Variants in AGBL1 observed in about 807,000 individuals in gnomAD.
AGBL1 encodes AGBL carboxypeptidase 1.
A neutral mutation model predicts 118.9 loss-of-function variants in AGBL1; 130 were observed. The ratio of observed to expected loss-of-function variants is 1.09; its 90% confidence interval spans 0.95 to 1.26. The LOEUF is 1.26. Among genes scored for constraint, AGBL1 ranks in the 50% most tolerant of loss-of-function variants. The pLI is 0.00. For synonymous variants in AGBL1, 555 were observed against 478.9 expected, an observed-to-expected ratio of 1.16 and a Z score of -2.08; for missense variants, 1,584 against 1,298.1, an observed-to-expected ratio of 1.22 and a Z score of -3.38.
intron 15 of AGBL1, among the ~76,000 whole-genome samples, chr15:86,272,594 C>A (rs961994420): frequency 3.9e-5 from 6 of 152,026 alleles, no homozygotes; most frequent in African/African-American, 1.4e-4. Context: ...GAGTATATAC[C>A]CTTATGCCTC....
chr15:86,140,247 T>TG (rs1157931139), intron 1 of AGBL1: 1 of 149,430 alleles, frequency 6.7e-6, no homozygotes, highest in Admixed American at 6.6e-5. Context: ...TTGATTACTG[T>TG]GGGTTTTTTT....
At chr15:86,879,337 T>C (rs1221600116) in intron 22 of AGBL1, among the ~76,000 whole-genome samples, 3 of 152,206 alleles carry the variant, frequency 2.0e-5, no homozygotes, top group Non-Finnish European at 2.9e-5. Flanking sequence ...TATAAAGAGC[T>C]GCTCAGGGGA....
At chr15:86,591,744 T>A (rs1414201519) in intron 21 of AGBL1, among the ~76,000 whole-genome samples, 1 of 152,154 alleles carries the variant, frequency 6.6e-6, no homozygotes, top group Non-Finnish European at 1.5e-5. Context: ...GAGGCTTCAT[T>A]ACATTGGCAC....
chr15:86,112,593 C>T (rs1344977254), intron 1 of AGBL1, among the ~76,000 whole-genome samples: 1 of 152,162 alleles, frequency 6.6e-6, no homozygotes, highest in African/African-American at 2.4e-5. Flanking sequence ...GTCTCCATCC[C>T]TTGGGAATAA....
chr15:86,988,245 C>T, intron 24 of AGBL1: 1 of 833,376 alleles, frequency 1.2e-6, no homozygotes, highest in African/African-American at 1.7e-5. Flanking sequence ...AAGACAATGC[C>T]AACTTCTTTT....
chr15:86,196,345 G>C (rs1004254438), intron 5 of AGBL1, among the ~76,000 whole-genome samples: 1 of 152,138 alleles, frequency 6.6e-6, no homozygotes, highest in African/African-American at 2.4e-5. Flanking sequence ...TGCATACCTA[G>C]TGGTAGAGGG....
chr15:86,468,744 T>C (rs139836393), intron 18 of AGBL1, among the ~76,000 whole-genome samples: 1 of 152,310 alleles, frequency 6.6e-6, no homozygotes, highest in East Asian at 1.9e-4. Context: ...TTGTAAATTC[T>C]TTCGCTAATA....
At chr15:86,815,443 A>G (rs1388696457) in intron 22 of AGBL1, among the ~76,000 whole-genome samples, 2 of 152,076 alleles carry the variant, frequency 1.3e-5, no homozygotes, top group East Asian at 3.9e-4. Context: ...GGGGGTAAAA[A>G]CGTGTGTAAG....
intron 22 of AGBL1, among the ~76,000 whole-genome samples, chr15:86,819,406 C>A (rs1159968365): frequency 2.6e-5 from 4 of 151,984 alleles, no homozygotes; most frequent in Non-Finnish European, 5.9e-5. Flanking sequence ...CAGCCCAAAA[C>A]CTCCTTAAGC....
intron 1 of AGBL1, among the ~76,000 whole-genome samples, chr15:86,090,467 C>G (rs957624864): frequency 7.9e-5 from 12 of 152,076 alleles, no homozygotes; most frequent in Non-Finnish European, 1.5e-4. Context: ...TCATTATATA[C>G]CTATATCTTT....
chr15:86,187,539 C>T (rs375041278), intron 5 of AGBL1, among the ~76,000 whole-genome samples: 2 of 152,176 alleles, frequency 1.3e-5, no homozygotes, highest in African/African-American at 4.8e-5. Context: ...CTTAATGCTG[C>T]TGAGCCTCAA....
intron 1 of AGBL1, among the ~76,000 whole-genome samples, chr15:86,130,887 T>C (rs2076810664): frequency 6.6e-6 from 1 of 152,206 alleles, no homozygotes; most frequent in Non-Finnish European, 1.5e-5. Context: ...GTGTCTCTTG[T>C]ATGGTTGCAG....
intron 22 of AGBL1, among the ~76,000 whole-genome samples, chr15:86,818,610 G>A (rs558657767): frequency 6.6e-5 from 10 of 152,180 alleles, no homozygotes; most frequent in African/African-American, 2.2e-4. Context: ...TAATATGGGA[G>A]CATATCACCT....
At chr15:86,832,669 A>G (rs2079121702) in intron 22 of AGBL1, among the ~76,000 whole-genome samples, 1 of 152,202 alleles carries the variant, frequency 6.6e-6, no homozygotes, top group Non-Finnish European at 1.5e-5. Flanking sequence ...TGTTGCCCAT[A>G]TCACTGTCAG....
chr15:87,013,615 A>G (rs2081583172), intron 24 of AGBL1, among the ~76,000 whole-genome samples: 1 of 151,982 alleles, frequency 6.6e-6, no homozygotes, highest in African/African-American at 2.4e-5. Context: ...CATGCAGGTG[A>G]TCTTGTGACA....
chr15:86,536,100 T>C (rs1164930886), intron 19 of AGBL1, among the ~76,000 whole-genome samples: 1 of 152,202 alleles, frequency 6.6e-6, no homozygotes, highest in Non-Finnish European at 1.5e-5. Context: ...GTTCCCATGC[T>C]ATCAGAATGA....
chr15:86,805,172 A>T (rs2078699363), intron 22 of AGBL1, among the ~76,000 whole-genome samples: 1 of 152,058 alleles, frequency 6.6e-6, no homozygotes, highest in Non-Finnish European at 1.5e-5. Context: ...TTTTTTCAAG[A>T]AGGAGAAAAG....
intron 23 of AGBL1, among the ~76,000 whole-genome samples, chr15:86,921,533 T>A (rs184569344): frequency 4.6e-5 from 7 of 152,336 alleles, no homozygotes; most frequent in Admixed American, 4.6e-4. Flanking sequence ...GCTCACTTAC[T>A]TCTCAAGGCC....
intron 21 of AGBL1, among the ~76,000 whole-genome samples, chr15:86,581,781 A>G (rs2084175903): frequency 6.6e-6 from 1 of 152,150 alleles, no homozygotes; most frequent in African/African-American, 2.4e-5. Context: ...AAATGAGACC[A>G]TTTGTAGTCT....
Sources: allele counts gnomAD v4.1 joint callset (sites outside exome capture counted in the v4.1 genomes callset), GRCh38; gene constraint gnomAD v4.1.1; transcripts MANE v1.5; gene names NCBI Gene and HGNC (gene_info 2026-07-23, HGNC 2026-07-21).